Variants in CPNE4 observed in about 807,000 individuals in gnomAD.
The protein encoded by CPNE4 is copine-4.
A neutral mutation model predicts 67.9 loss-of-function variants in CPNE4; 25 were observed. The observed-to-expected ratio is 0.37, with a 90% CI of 0.27 to 0.51. CPNE4 has a LOEUF of 0.51. Among genes scored for constraint, CPNE4 ranks in the 20% least tolerant of loss-of-function variants. CPNE4 has a pLI of 0.93. For synonymous variants in CPNE4, 242 were observed against 244.9 expected (o/e 0.99, Z 0.11); for missense variants, 464 against 690.8 (o/e 0.67, Z 3.68).
intron 2 of CPNE4, among the ~76,000 whole-genome samples, chr3:131,793,944 A>T (rs1451484080): frequency 3.3e-5 from 5 of 152,220 alleles, no homozygotes; most frequent in African/African-American, 1.2e-4. Context: ...TGCCTGTGGT[A>T]TGTAGCCATC....
chr3:131,957,825 C>T (rs768015313), intron 1 of CPNE4, among the ~76,000 whole-genome samples: 13 of 152,144 alleles, frequency 8.5e-5, no homozygotes, highest in Non-Finnish European at 1.6e-4. Flanking sequence ...GTGAACGAGA[C>T]GCAGAATAGC....
intron 7 of CPNE4, among the ~76,000 whole-genome samples, chr3:131,612,665 T>C (rs1939920080): frequency 6.6e-6 from 1 of 152,314 alleles, no homozygotes; most frequent in South Asian, 2.1e-4. Flanking sequence ...TATCCTCTTA[T>C]CTTCATCCAT....
At chr3:131,655,480 G>A (rs946124745) in intron 7 of CPNE4, among the ~76,000 whole-genome samples, 1 of 152,190 alleles carries the variant, frequency 6.6e-6, no homozygotes, top group Admixed American at 6.5e-5. Flanking sequence ...CAGCTGGTCT[G>A]CAGGGCAGAT....
chr3:131,974,350 A>G (rs1029092588), intron 1 of CPNE4, among the ~76,000 whole-genome samples: 17 of 152,204 alleles, frequency 1.1e-4, no homozygotes, highest in African/African-American at 4.1e-4. Flanking sequence ...GTATGTATAT[A>G]CGCATCTACA....
At chr3:131,862,721 A>G (rs1286408751) in intron 2 of CPNE4, among the ~76,000 whole-genome samples, 4 of 147,142 alleles carry the variant, frequency 2.7e-5, no homozygotes, top group African/African-American at 7.5e-5. Flanking sequence ...ATATATTTTT[A>G]TTATACTTGA....
At chr3:132,031,919 T>C (rs1299498833) in intron 1 of CPNE4, among the ~76,000 whole-genome samples, 2 of 152,178 alleles carry the variant, frequency 1.3e-5, no homozygotes, top group African/African-American at 4.8e-5. Flanking sequence ...TTTTCTATTG[T>C]TTTGGAATAT....
chr3:131,740,376 G>T (rs137979593), intron 2 of CPNE4, among the ~76,000 whole-genome samples: 260 of 152,242 alleles, frequency 1.7e-3, no homozygotes, highest in Middle Eastern at 6.8e-3. Context: ...TGTCTCCCCT[G>T]AACATCTTTT....
intron 2 of CPNE4, among the ~76,000 whole-genome samples, chr3:131,792,694 TACATATACACACAC>T (rs1560322768): frequency 2.1e-4 from 12 of 57,162 alleles, no homozygotes; most frequent in African/African-American, 7.6e-4. Context: ...CGTGTATATA[TACATATACACACAC>T]GTGTATATAT....
At chr3:131,941,109 G>A (rs1482002606) in intron 1 of CPNE4, among the ~76,000 whole-genome samples, 1 of 152,018 alleles carries the variant, frequency 6.6e-6, no homozygotes, top group Non-Finnish European at 1.5e-5. Context: ...CTTAGTGAGT[G>A]GAATGCTGGA....
chr3:131,573,335 G>T (rs1168189109), intron 10 of CPNE4, among the ~76,000 whole-genome samples: 1 of 152,070 alleles, frequency 6.6e-6, no homozygotes, highest in African/African-American at 2.4e-5. Context: ...CTGGGGTGTT[G>T]TTGGTGACAA....
intron 1 of CPNE4, among the ~76,000 whole-genome samples, chr3:131,933,934 AGT>A (rs3041584): frequency 0.36 from 54,309 of 151,790 alleles, 10,287 homozygotes; most frequent in African/African-American, 0.47. Context: ...AATTACAGTT[AGT>A]GAGAAGAGAA....
At chr3:131,612,546 G>A (rs559915331) in intron 7 of CPNE4, among the ~76,000 whole-genome samples, 218 of 152,224 alleles carry the variant, frequency 1.4e-3, no homozygotes, top group Non-Finnish European at 2.7e-3. Flanking sequence ...ATAGAGTGGT[G>A]AAAGAGAGAA....
chr3:131,563,863 T>C (rs6784039), intron 11 of CPNE4, among the ~76,000 whole-genome samples: 17,223 of 152,064 alleles, frequency 0.11, 2,143 homozygotes, highest in African/African-American at 0.31. Context: ...ACACAAATCA[T>C]CTGGGGATCT....
At chr3:132,013,983 G>A (rs2073832530) in intron 1 of CPNE4, among the ~76,000 whole-genome samples, 2 of 152,184 alleles carry the variant, frequency 1.3e-5, no homozygotes, top group Non-Finnish European at 2.9e-5. Context: ...TAGTGACTCT[G>A]AGAGGAGGGA....
At chr3:131,770,127 G>T (rs1391996566) in intron 2 of CPNE4, among the ~76,000 whole-genome samples, 1 of 152,052 alleles carries the variant, frequency 6.6e-6, no homozygotes, top group Non-Finnish European at 1.5e-5. Flanking sequence ...AATGTATTCT[G>T]CACACTCACT....
At chr3:131,553,620 T>C (rs775530473) in intron 12 of CPNE4, among the ~76,000 whole-genome samples, 9 of 152,094 alleles carry the variant, frequency 5.9e-5, no homozygotes, top group Admixed American at 2.0e-4. Flanking sequence ...GACTTGATAA[T>C]ATACTCTGTG....
At chr3:131,999,152 C>A (rs1328360543) in intron 1 of CPNE4, among the ~76,000 whole-genome samples, 1 of 143,798 alleles carries the variant, frequency 7.0e-6, no homozygotes, top group African/African-American at 2.6e-5. Context: ...TAGTGTAATG[C>A]AGGGAAAAGT....
chr3:131,671,872 C>T (rs1462255204), intron 6 of CPNE4, among the ~76,000 whole-genome samples: 7 of 152,032 alleles, frequency 4.6e-5, no homozygotes, highest in Admixed American at 2.6e-4. Flanking sequence ...TTATTGTTGA[C>T]TGTAGTCACC....
intron 7 of CPNE4, among the ~76,000 whole-genome samples, chr3:131,605,255 T>TTTTATTTA (rs375179992): frequency 1.3e-5 from 2 of 152,140 alleles, no homozygotes; most frequent in Admixed American, 6.5e-5. Flanking sequence ...CAGAATGCTA[T>TTTTATTTA]TTTATTTATT....
Sources: allele counts gnomAD v4.1 joint callset (sites outside exome capture counted in the v4.1 genomes callset), GRCh38; gene constraint gnomAD v4.1.1; transcripts MANE v1.5; gene names NCBI Gene and HGNC (gene_info 2026-07-23, HGNC 2026-07-21).